The following SUPT3H variants were observed in gnomAD, a reference collection of about 807,000 sequenced individuals.
SUPT3H encodes the protein SPT3 homolog, SAGA and STAGA complex component.
A neutral mutation model predicts 44.3 loss-of-function variants in SUPT3H; 44 were observed. That is an observed-to-expected ratio of 0.99 (90% confidence interval 0.78 to 1.28). The LOEUF (loss-of-function observed/expected upper bound fraction) is 1.28, where lower values mean the gene tolerates loss of function less well. SUPT3H is among the 50% of genes most tolerant of loss of function. The probability of loss-of-function intolerance (pLI) is 0.00; values close to 1 mark genes in which losing one functional copy is unlikely to be tolerated. For missense variants in SUPT3H, 380 were observed against 387.1 expected (o/e 0.98, Z 0.15); for synonymous variants, 124 against 125.6 (o/e 0.99, Z 0.09).
At chr6:45,377,010 C>G (rs1035244840) in intron 1 of SUPT3H, among the ~76,000 whole-genome samples, 12 of 151,916 alleles carry the variant, frequency 7.9e-5, no homozygotes, top group Admixed American at 3.9e-4. Flanking sequence ...CGTCCAGGAT[C>G]GTCTGAGTGT....
At chr6:45,068,344 G>A (rs1350280629) in intron 3 of SUPT3H, among the ~76,000 whole-genome samples, 8 of 136,522 alleles carry the variant, frequency 5.9e-5, no homozygotes, top group Non-Finnish European at 1.1e-4. Flanking sequence ...GGATAGCATT[G>A]GGAGATATAC....
intron 2 of SUPT3H, among the ~76,000 whole-genome samples, chr6:45,143,700 T>A (rs1412840532): frequency 6.6e-6 from 1 of 151,424 alleles, no homozygotes; most frequent in Admixed American, 6.6e-5. Flanking sequence ...ATAACAAAGA[T>A]CAGAGCAGAA....
At chr6:44,901,790 A>T (rs557747416) in intron 10 of SUPT3H, among the ~76,000 whole-genome samples, 61 of 152,280 alleles carry the variant, frequency 4.0e-4, no homozygotes, top group African/African-American at 1.3e-3. Context: ...CGGGTTACCC[A>T]CAAAGGGAAG....
At chr6:44,855,957 G>A (rs1295619907) in intron 10 of SUPT3H, among the ~76,000 whole-genome samples, 1 of 152,172 alleles carries the variant, frequency 6.6e-6, no homozygotes, top group African/African-American at 2.4e-5. Flanking sequence ...GTTCCCAGAG[G>A]AGAGTAAGCC....
intron 2 of SUPT3H, among the ~76,000 whole-genome samples, chr6:45,164,876 T>A (rs887106161): frequency 6.6e-6 from 1 of 152,140 alleles, no homozygotes; most frequent in African/African-American, 2.4e-5. Flanking sequence ...AACAAAAGTT[T>A]AAGCCACCAG....
At chr6:45,257,735 C>A (rs184666156) in intron 2 of SUPT3H, among the ~76,000 whole-genome samples, 2 of 152,224 alleles carry the variant, frequency 1.3e-5, no homozygotes, top group Admixed American at 1.3e-4. Context: ...CAAACTCACC[C>A]TTTTATAATG....
At chr6:45,301,547 T>C (rs778618287) in intron 2 of SUPT3H, among the ~76,000 whole-genome samples, 1 of 152,148 alleles carries the variant, frequency 6.6e-6, no homozygotes, top group African/African-American at 2.4e-5. Flanking sequence ...CAGTTCTCCC[T>C]CCTGGCAATC....
chr6:45,360,094 A>C (rs1427111679), intron 2 of SUPT3H, among the ~76,000 whole-genome samples: 1 of 152,248 alleles, frequency 6.6e-6, no homozygotes, highest in Non-Finnish European at 1.5e-5. Context: ...CAAAATAAAA[A>C]GTTTATTAAC....
intron 3 of SUPT3H, among the ~76,000 whole-genome samples, chr6:45,030,855 G>A (rs1057281095): frequency 1.3e-5 from 2 of 152,142 alleles, no homozygotes; most frequent in Non-Finnish European, 2.9e-5. Context: ...TTCTGATGCT[G>A]GATCTAAGAA....
intron 2 of SUPT3H, among the ~76,000 whole-genome samples, chr6:45,353,363 G>A (rs555565441): frequency 7.2e-5 from 11 of 151,972 alleles, no homozygotes; most frequent in African/African-American, 1.7e-4. Flanking sequence ...AAAGTTATGC[G>A]GATGGACTTG....
Position 45,142,657 on chromosome 6 carries a change from TC to T in SUPT3H, c.102-36652del, listed in dbSNP as rs1177940451. On this transcript the variant is annotated intron_variant, in intron 2 of 10. Transcript: ENST00000371459. ...AGGCTGAAGCAGGAGAATCGCTTGA[TC>T]CTGGGAGGCGGAAGTTGCAGTGAGC... is the stretch of plus-strand genomic sequence containing the variant. Among the ~76,000 whole-genome samples the T allele has an allele frequency of 3.6e-5, 5 of 137,214 alleles. No homozygotes were observed. In the East Asian group the frequency reaches 1.1e-3, roughly 29 times the overall value. 90.0% of individuals were successfully genotyped at this position (137,214 alleles called of 152,430 possible).
intron 9 of SUPT3H, among the ~76,000 whole-genome samples, chr6:44,947,337 G>A (rs1773511894): frequency 6.6e-6 from 1 of 152,068 alleles, no homozygotes; most frequent in African/African-American, 2.4e-5. Context: ...AACATATTAT[G>A]TAAACAGCAA....
chr6:45,159,738 C>G (rs1165711538), intron 2 of SUPT3H, among the ~76,000 whole-genome samples: 1 of 152,172 alleles, frequency 6.6e-6, no homozygotes, highest in East Asian at 1.9e-4. Context: ...GTTAGCTTCT[C>G]CTTATTACTT....
At chr6:44,904,535 G>T (rs1360900847) in intron 10 of SUPT3H, among the ~76,000 whole-genome samples, 1 of 152,196 alleles carries the variant, frequency 6.6e-6, no homozygotes, top group African/African-American at 2.4e-5. Flanking sequence ...CAAACAAATG[G>T]AAGAACACTC....
At chr6:44,816,443 A>T (rs1177757975) in intron 11 of SUPT3H, among the ~76,000 whole-genome samples, 6 of 152,208 alleles carry the variant, frequency 3.9e-5, no homozygotes, top group Admixed American at 6.5e-5. Flanking sequence ...TATCTAATAG[A>T]TAACCTTATA....
At chr6:44,908,321 T>A (rs1428136741) in intron 10 of SUPT3H, among the ~76,000 whole-genome samples, 1 of 151,772 alleles carries the variant, frequency 6.6e-6, no homozygotes, top group East Asian at 1.9e-4. Context: ...CCAGCTAATT[T>A]TTTGTAATTT....
chr6:44,853,861 A>C (rs1773310665), intron 10 of SUPT3H, among the ~76,000 whole-genome samples: 1 of 152,104 alleles, frequency 6.6e-6, no homozygotes, highest in Non-Finnish European at 1.5e-5. Context: ...CTTCCTGATA[A>C]AAATACTTTA....
At chr6:45,321,821 G>A in intron 2 of SUPT3H, 1 of 1,605,958 alleles carries the variant, frequency 6.2e-7, no homozygotes, top group Non-Finnish European at 8.5e-7. Flanking sequence ...AGCAGTGGAA[G>A]GATATTGTGA....
At chr6:45,075,383 G>T (rs1430209762) in intron 3 of SUPT3H, among the ~76,000 whole-genome samples, 2 of 151,964 alleles carry the variant, frequency 1.3e-5, no homozygotes, top group African/African-American at 4.8e-5. Flanking sequence ...CTGACTACAT[G>T]GTATTTGTGA....
Sources: allele counts gnomAD v4.1 joint callset (sites outside exome capture counted in the v4.1 genomes callset), GRCh38; gene constraint gnomAD v4.1.1; transcripts MANE v1.5; gene names NCBI Gene and HGNC (gene_info 2026-07-23, HGNC 2026-07-21).